The following EXOC4 variants were observed in gnomAD, a reference collection of about 807,000 sequenced individuals.
EXOC4 encodes exocyst complex component 4, also known as SEC8-like 1.
In EXOC4, 71 loss-of-function variants were observed where a neutral mutation model predicts 107.2. That is an observed-to-expected ratio of 0.66 (90% CI 0.55 to 0.81). The LOEUF is 0.81. EXOC4 is among the 30% of genes least tolerant of loss of function. The pLI is 0.00. For missense variants in EXOC4, 1,108 were observed against 1,189.6 expected (o/e 0.93, Z 1.01); for synonymous variants, 456 against 441.2 (o/e 1.03, Z -0.42).
chr7:133,419,306 A>G (rs76966252), intron 7 of EXOC4, among the ~76,000 whole-genome samples: 23 of 152,146 alleles, frequency 1.5e-4, no homozygotes, highest in African/African-American at 4.6e-4. Context: ...AAGAGGAGGA[A>G]AGGAGACTCA....
At chr7:133,478,421 C>T (rs1392621528) in intron 8 of EXOC4, among the ~76,000 whole-genome samples, 1 of 151,966 alleles carries the variant, frequency 6.6e-6, no homozygotes, top group Non-Finnish European at 1.5e-5. Context: ...AGAATTAGGC[C>T]GTTATTACAG....
At chr7:133,629,117 G>A (rs983597045) in intron 9 of EXOC4, among the ~76,000 whole-genome samples, 3 of 151,982 alleles carry the variant, frequency 2.0e-5, no homozygotes, top group African/African-American at 7.2e-5. Flanking sequence ...GAGGTTTATG[G>A]TAACCATTTG....
intron 9 of EXOC4, among the ~76,000 whole-genome samples, chr7:133,543,029 C>A (rs985383810): frequency 6.6e-6 from 1 of 152,128 alleles, no homozygotes; most frequent in Non-Finnish European, 1.5e-5. Flanking sequence ...ATCCCACAAA[C>A]ATAACAGCTT....
intron 13 of EXOC4, among the ~76,000 whole-genome samples, chr7:133,922,282 A>G (rs1243070703): frequency 1.3e-5 from 2 of 152,214 alleles, no homozygotes; most frequent in Non-Finnish European, 2.9e-5. Flanking sequence ...GAACATAGCA[A>G]CAAAGTGCCT....
chr7:133,491,339 C>T (rs1450884205), intron 9 of EXOC4, among the ~76,000 whole-genome samples: 1 of 152,166 alleles, frequency 6.6e-6, no homozygotes, highest in Non-Finnish European at 1.5e-5. Context: ...TTTGTTTGCA[C>T]ATTAATGTCT....
intron 10 of EXOC4, among the ~76,000 whole-genome samples, chr7:133,650,024 CT>C (rs1253315245): frequency 2.0e-5 from 3 of 151,740 alleles, no homozygotes; most frequent in Admixed American, 6.6e-5. Context: ...GGTTTTTATC[CT>C]TTTATAAATA....
chr7:133,783,161 A>T (rs987446237), intron 10 of EXOC4, among the ~76,000 whole-genome samples: 1 of 152,226 alleles, frequency 6.6e-6, no homozygotes, highest in Admixed American at 6.5e-5. Flanking sequence ...TTTACAACTT[A>T]TATCTGCTAC....
intron 11 of EXOC4, among the ~76,000 whole-genome samples, chr7:133,842,307 C>T (rs1054620450): frequency 1.3e-5 from 2 of 152,190 alleles, no homozygotes; most frequent in Non-Finnish European, 2.9e-5. Flanking sequence ...ACAACCTCAC[C>T]AGCATCTGTT....
the EXOC4 span, among the ~76,000 whole-genome samples, chr7:134,098,838 A>G: frequency 6.6e-6 from 1 of 152,242 alleles, no homozygotes; most frequent in African/African-American, 2.4e-5. Context: ...GCTTGGAGCC[A>G]CGTCCAACAC....
intron 7 of EXOC4, among the ~76,000 whole-genome samples, chr7:133,449,332 A>G (rs1040636932): frequency 2.6e-5 from 4 of 152,146 alleles, no homozygotes; most frequent in Non-Finnish European, 5.9e-5. Flanking sequence ...TAAGATCTGC[A>G]GCTTCTAGAA....
chr7:133,432,408 A>G (rs1797875978), intron 7 of EXOC4, among the ~76,000 whole-genome samples: 3 of 152,198 alleles, frequency 2.0e-5, no homozygotes, highest in Admixed American at 6.5e-5. Flanking sequence ...TGGGACATAT[A>G]GTAGGCATTT....
chr7:133,705,964 G>C (rs943845642), intron 10 of EXOC4, among the ~76,000 whole-genome samples: 1 of 152,208 alleles, frequency 6.6e-6, no homozygotes, highest in African/African-American at 2.4e-5. Context: ...AGGAATTACT[G>C]TATTTTAATT....
intron 9 of EXOC4, among the ~76,000 whole-genome samples, chr7:133,528,743 G>A (rs148394062): frequency 8.4e-4 from 128 of 152,164 alleles, no homozygotes; most frequent in Middle Eastern, 3.4e-3. Context: ...AAAGTACTCA[G>A]AGCCAACACA....
chr7:133,605,039 C>T (rs1380091829), intron 9 of EXOC4, among the ~76,000 whole-genome samples: 2 of 151,984 alleles, frequency 1.3e-5, no homozygotes, highest in Non-Finnish European at 2.9e-5. Flanking sequence ...GCTCTGATTT[C>T]AAGATGAAAC....
At chr7:133,468,134 A>G (rs1798777641) in intron 7 of EXOC4, among the ~76,000 whole-genome samples, 1 of 152,238 alleles carries the variant, frequency 6.6e-6, no homozygotes, top group African/African-American at 2.4e-5. Flanking sequence ...AAAAAAAATC[A>G]TGAGTAGTTT....
At chr7:133,335,067 A>G in intron 5 of EXOC4, among the ~76,000 whole-genome samples, 1 of 152,240 alleles carries the variant, frequency 6.6e-6, no homozygotes, top group African/African-American at 2.4e-5. Flanking sequence ...CCATCAGGCA[A>G]TGGTGGAATA....
At chr7:134,085,556 C>T in the EXOC4 span, among the ~76,000 whole-genome samples, 2 of 152,214 alleles carry the variant, frequency 1.3e-5, no homozygotes, top group Non-Finnish European at 2.9e-5. Context: ...AGCAGCCTTA[C>T]AGCCACTGGA....
chr7:133,971,743 A>G (rs1429515517), intron 14 of EXOC4, among the ~76,000 whole-genome samples: 1 of 152,192 alleles, frequency 6.6e-6, no homozygotes, highest in Non-Finnish European at 1.5e-5. Context: ...ACACACACCA[A>G]GAAGGACATT....
chr7:133,421,752 G>C (rs149263377), intron 7 of EXOC4, among the ~76,000 whole-genome samples: 1 of 152,100 alleles, frequency 6.6e-6, no homozygotes, highest in Non-Finnish European at 1.5e-5. Flanking sequence ...GCCAATAAGT[G>C]TGTACTTAAA....
Sources: gnomAD v4.1 joint callset for allele counts (sites outside exome capture counted in the v4.1 genomes callset) on GRCh38, gnomAD v4.1.1 for gene constraint, MANE v1.5 for transcripts, NCBI Gene and HGNC (gene_info 2026-07-23, HGNC 2026-07-21) for gene names.